The following CNTNAP5 variants were observed in gnomAD, a reference collection of about 807,000 sequenced individuals.
CNTNAP5 encodes contactin-associated protein-like 5.
Under a neutral mutation model 150.2 loss-of-function variants are expected in CNTNAP5, and 72 were observed. The ratio of observed to expected loss-of-function variants is 0.48; its 90% CI spans 0.40 to 0.58. The LOEUF (loss-of-function observed/expected upper bound fraction) is 0.58. Ranked by LOEUF, CNTNAP5 falls within the 20% of genes least tolerant of loss-of-function variation. The probability of loss-of-function intolerance (pLI) is 0.00; values close to 1 mark genes in which losing one functional copy is unlikely to be tolerated. For synonymous variants in CNTNAP5, 672 were observed against 619.8 expected (o/e 1.08, Z -1.25); for missense variants, 1,636 against 1,626.2 (o/e 1.01, Z -0.10).
intron 1 of CNTNAP5, among the ~76,000 whole-genome samples, chr2:124,085,298 A>G (rs1353295160): frequency 6.6e-6 from 1 of 152,110 alleles, no homozygotes. Context: ...GTATTTCTTT[A>G]AAGACTCACT....
chr2:124,635,176 A>T (rs1194500747), intron 12 of CNTNAP5, among the ~76,000 whole-genome samples: 3 of 152,178 alleles, frequency 2.0e-5, no homozygotes, highest in Non-Finnish European at 4.4e-5. Context: ...AGGCCTCGGG[A>T]AACTTTCAAT....
chr2:124,658,721 G>T (rs1678511450), intron 13 of CNTNAP5, among the ~76,000 whole-genome samples: 1 of 152,194 alleles, frequency 6.6e-6, no homozygotes, highest in African/African-American at 2.4e-5. Flanking sequence ...GCATATGTTT[G>T]TGTGTATTAC....
chr2:124,208,505 C>T (rs1685920706), intron 1 of CNTNAP5, among the ~76,000 whole-genome samples: 1 of 152,190 alleles, frequency 6.6e-6, no homozygotes, highest in African/African-American at 2.4e-5. Flanking sequence ...AAACCAGAGG[C>T]CTGGGCTTGA....
chr2:124,839,901 C>G (rs1412696115), intron 19 of CNTNAP5, among the ~76,000 whole-genome samples: 2 of 152,108 alleles, frequency 1.3e-5, no homozygotes, highest in African/African-American at 4.8e-5. Context: ...TTTTATTTTT[C>G]TTTCAAGGAA....
At chr2:124,568,453 C>A (rs1195081271) in intron 11 of CNTNAP5, among the ~76,000 whole-genome samples, 1 of 152,190 alleles carries the variant, frequency 6.6e-6, no homozygotes, top group East Asian at 1.9e-4. Flanking sequence ...ACTAGTCATT[C>A]ATTCCTGAAG....
At chr2:124,676,223 A>T (rs1185255896) in intron 13 of CNTNAP5, among the ~76,000 whole-genome samples, 9 of 152,222 alleles carry the variant, frequency 5.9e-5, no homozygotes, top group African/African-American at 2.2e-4. Context: ...AAATGCAAGC[A>T]GTTTACAACT....
At chr2:124,910,375 C>G (rs1678630968) in intron 22 of CNTNAP5, among the ~76,000 whole-genome samples, 1 of 152,092 alleles carries the variant, frequency 6.6e-6, no homozygotes, top group African/African-American at 2.4e-5. Context: ...TACGTTGTAT[C>G]AGCCACTGTT....
chr2:124,855,829 T>A (rs1677359734), intron 19 of CNTNAP5, among the ~76,000 whole-genome samples: 1 of 152,166 alleles, frequency 6.6e-6, no homozygotes, highest in Non-Finnish European at 1.5e-5. Context: ...CAGTGTACAC[T>A]GAACCCAATT....
intron 3 of CNTNAP5, among the ~76,000 whole-genome samples, chr2:124,318,434 A>G (rs1689019869): frequency 6.6e-6 from 1 of 152,198 alleles, no homozygotes; most frequent in Admixed American, 6.5e-5. Flanking sequence ...AGTATGGATG[A>G]ATCTGTCTCA....
intron 10 of CNTNAP5, 24 bp downstream of exon 10, chr2:124,527,480 G>C: frequency 6.4e-7 from 1 of 1,572,424 alleles, no homozygotes; most frequent in Non-Finnish European, 8.7e-7. Flanking sequence ...CTTCTCCTCT[G>C]TTCTGCCACC....
chr2:124,469,097 G>A (rs1286986274), intron 6 of CNTNAP5, among the ~76,000 whole-genome samples: 1 of 152,178 alleles, frequency 6.6e-6, no homozygotes, highest in East Asian at 1.9e-4. Flanking sequence ...GGGAGAACCA[G>A]AGAGCAGGCC....
At chr2:124,604,336 A>G (rs1300944603) in intron 11 of CNTNAP5, among the ~76,000 whole-genome samples, 1 of 152,200 alleles carries the variant, frequency 6.6e-6, no homozygotes, top group Non-Finnish European at 1.5e-5. Flanking sequence ...ATCGTTTAAA[A>G]TGAGGTTATT....
intron 1 of CNTNAP5, among the ~76,000 whole-genome samples, chr2:124,080,674 G>T (rs1178883044): frequency 6.6e-6 from 1 of 152,216 alleles, no homozygotes; most frequent in Non-Finnish European, 1.5e-5. Flanking sequence ...GAAAGTGACA[G>T]TGGATTGAAA....
chr2:124,758,467 C>A (rs956636014), intron 14 of CNTNAP5, among the ~76,000 whole-genome samples: 3 of 151,602 alleles, frequency 2.0e-5, no homozygotes, highest in African/African-American at 4.8e-5. Flanking sequence ...CTGTGTGTAG[C>A]AGCAAAGAAG....
chr2:124,109,006 A>G (rs1430219263), intron 1 of CNTNAP5, among the ~76,000 whole-genome samples: 1 of 152,108 alleles, frequency 6.6e-6, no homozygotes, highest in East Asian at 1.9e-4. Context: ...CCAGAGATAA[A>G]TTAAGTAGGA....
chr2:124,491,829 T>C (rs1192402008), intron 7 of CNTNAP5, among the ~76,000 whole-genome samples: 3 of 152,064 alleles, frequency 2.0e-5, no homozygotes, highest in Non-Finnish European at 4.4e-5. Flanking sequence ...CAACTTGCAT[T>C]GTGGTTTGGA....
chr2:124,488,970 G>A (rs187217570), intron 7 of CNTNAP5, among the ~76,000 whole-genome samples: 107 of 152,196 alleles, frequency 7.0e-4, no homozygotes, highest in African/African-American at 2.3e-3. Context: ...GAGGTGGCAG[G>A]ACCTAATTAA....
chr2:124,140,865 A>G (rs1684105527), intron 1 of CNTNAP5, among the ~76,000 whole-genome samples: 5 of 70,714 alleles, frequency 7.1e-5, no homozygotes, highest in African/African-American at 2.3e-4. Flanking sequence ...CATTCAAACC[A>G]AAGGCAAAGA....
At chr2:124,432,233 T>A (rs146425590) in intron 4 of CNTNAP5, among the ~76,000 whole-genome samples, 1 of 152,168 alleles carries the variant, frequency 6.6e-6, no homozygotes, top group Non-Finnish European at 1.5e-5. Context: ...GAGTTACTGC[T>A]TCAAAGACAC....
Sources: allele counts gnomAD v4.1 joint callset (sites outside exome capture counted in the v4.1 genomes callset), GRCh38; gene constraint gnomAD v4.1.1; transcripts MANE v1.5; gene names NCBI Gene and HGNC (gene_info 2026-07-23, HGNC 2026-07-21).